DOP1A: variants seen among roughly 807,000 people sequenced by gnomAD.
The protein encoded by DOP1A is DOP1 leucine zipper like protein A.
DOP1A carries 90 observed loss-of-function variants against 267.6 expected under a neutral mutation model. The observed-to-expected ratio is 0.34, with a 90% CI of 0.28 to 0.40. The LOEUF (loss-of-function observed/expected upper bound fraction) is 0.40, where lower values mean the gene tolerates loss of function less well. Among genes scored for constraint, DOP1A ranks in the 10% least tolerant of loss-of-function variants. The probability of loss-of-function intolerance (pLI) is 1.00; values close to 1 mark genes in which losing one functional copy is unlikely to be tolerated. For missense variants in DOP1A, 2,437 were observed against 2,900.4 expected (o/e 0.84, Z 3.67); for synonymous variants, 932 against 999.1 (o/e 0.93, Z 1.27).
At chr6:83,132,044 T>A in intron 17 of DOP1A, 132 bp from the exon 18 acceptor site, 1 of 1,040,546 alleles carries the variant, frequency 9.6e-7, no homozygotes, top group Non-Finnish European at 1.4e-6. Flanking sequence ...AGTAACCTCA[T>A]CCCCATGCAG....
At chr6:83,100,556 A>T in intron 3 of DOP1A, 149 bp from the exon 4 acceptor site, 1 of 452,524 alleles carries the variant, frequency 2.2e-6, no homozygotes, top group Non-Finnish European at 3.8e-6. Flanking sequence ...CCTCAGTTTT[A>T]ATTTTAAATA....
Position 83,118,869 on chromosome 6 carries a change from A to G in DOP1A, c.781-19A>G, listed in dbSNP as rs759654004. 8 of 1,610,674 alleles carry G rather than the reference A, an allele frequency of 5.0e-6. No homozygotes were observed. The highest frequency in any genetic ancestry group is 1.1e-5 in the South Asian group (1 of 90,978). On this transcript the variant is annotated intron_variant, in intron 7 of 38. Transcript: ENST00000349129. ...ATATTGTATATTGCTAAGTACAACC[A>G]TATTCCTAACTCTTTCAGGCCACTC... is the stretch of plus-strand genomic sequence containing the variant.
intron 3 of DOP1A, among the ~76,000 whole-genome samples, chr6:83,097,550 A>G (rs1325563729): frequency 6.6e-6 from 1 of 152,198 alleles, no homozygotes; most frequent in Non-Finnish European, 1.5e-5. Context: ...CTGGCAAGCT[A>G]TAGTTATAAT....
chr6:83,122,021 C>G lies in DOP1A; in HGVS notation c.1191C>G (p.Pro397=), dbSNP rs1776446861. The G allele has an allele frequency of 5.6e-6, 9 of 1,611,206 alleles. No individual in the cohort carries two copies. Among genetic ancestry groups the G allele is most frequent in the African/African-American group, 1.3e-5 (1 of 74,772 alleles). ...KAELDLQTEP[P]FSKDHAQLSS... ...AGTTGGATCTTCAAACTGAACCACC[C>G]TTCAGCAAGGATCATGCTCAGTTAA... Residue 397 remains proline, a synonymous_variant, in exon 11 of 39, where the codon CCC becomes CCG. Transcript: ENST00000349129.
rs144595171 is a variant in DOP1A at position 83,087,855 on chromosome 6, T to TTTTG, written c.-146-8856_-146-8853dup. 2.1e-4 allele frequency among the ~76,000 whole-genome samples: 32 copies of TTTTG among 152,080 alleles called. No individual in the cohort carries two copies. The East Asian group carries it at 2.3e-3, about 11-fold the overall frequency. ...TGGGGAAAACCATTGATGTTTGTTTTTTTGTTTGTTTGTTTGTTTGTTTTG... is the reference window on the plus strand; with the variant it reads ...TGGGGAAAACCATTGATGTTTGTTTTTTTGTTTGTTTGTTTGTTTGTTTGTTTTG... On this transcript the variant is annotated intron_variant, in intron 1 of 38. Transcript: ENST00000349129.
At chr6:83,167,675 GTAAAAC>G in intron 38 of DOP1A, 181 bp from the exon 39 acceptor site, 1 of 1,374,486 alleles carries the variant, frequency 7.3e-7, no homozygotes. Context: ...ACTGCTCCAT[GTAAAAC>G]TAATAAATGG....
intron 4 of DOP1A, among the ~76,000 whole-genome samples, chr6:83,107,313 A>C (rs1219120936): frequency 6.6e-6 from 1 of 152,120 alleles, no homozygotes; most frequent in Non-Finnish European, 1.5e-5. Flanking sequence ...CCTGGGGCAC[A>C]TGGGAAAAAA....
chr6:83,150,785 C>T (rs1003227777), intron 27 of DOP1A, among the ~76,000 whole-genome samples: 1 of 152,094 alleles, frequency 6.6e-6, no homozygotes, highest in African/African-American at 2.4e-5. Context: ...TTCTGTATTA[C>T]AATTTAAGAT....
intron 3 of DOP1A, among the ~76,000 whole-genome samples, chr6:83,097,557 T>C (rs769172559): frequency 3.3e-5 from 5 of 152,224 alleles, no homozygotes; most frequent in Admixed American, 6.5e-5. Context: ...GCTATAGTTA[T>C]AATTTGGTAC....
At chr6:83,075,089 T>G (rs1766849003) in intron 1 of DOP1A, among the ~76,000 whole-genome samples, 1 of 152,206 alleles carries the variant, frequency 6.6e-6, no homozygotes, top group African/African-American at 2.4e-5. Context: ...ATATATATTT[T>G]CCCTCTTTTA....
rs1779129647 is a variant in DOP1A at position 83,138,191 on chromosome 6, T to C, written c.4149T>C (p.Tyr1383=). 1.2e-6 allele frequency: 2 copies of C among 1,613,902 alleles called. No homozygotes were observed. The highest frequency in any genetic ancestry group is 2.2e-5 in the East Asian group (1 of 44,870). The change falls in exon 21 of 39, where the codon TAT becomes TAC. Residue 1383 remains tyrosine (Y), a synonymous_variant. Coordinates refer to ENST00000349129, the MANE Select transcript of DOP1A (RefSeq NM_015018.4). The stretch of plus-strand genomic sequence containing the variant: ...TGTATGATTCATCCAGGACTTTGTA[T>C]GCTTTCTCTGCCATCAAAGCCATCT... ...LQLYDSSRTL[Y]AFSAIKAILK...
intron 36 of DOP1A, among the ~76,000 whole-genome samples, chr6:83,159,235 TAC>T (rs1783609628): frequency 6.6e-6 from 1 of 152,192 alleles, no homozygotes; most frequent in Non-Finnish European, 1.5e-5. Flanking sequence ...TTCTCGCTTT[TAC>T]AGTTTTTATT....
At position 83,113,392 on chromosome 6, in the gene DOP1A, C is replaced by G. The variant is rs970970951; in HGVS notation, c.751C>G (p.Leu251Val). The G allele has an allele frequency of 6.2e-7, 1 of 1,613,790 alleles. No homozygotes were observed. The change falls in exon 7 of 39, where the codon CTC becomes GTC. Residue 251 changes from leucine (L) to valine (V), a missense_variant. Leu to Val is a conservative substitution (Grantham distance 32, BLOSUM62 1). Around this residue, in one of 9 missense-constraint regions of DOP1A, gnomAD observed 251 missense variants for 359.1 expected, o/e 0.70. Transcript: ENST00000349129. The part of the protein sequence containing the change: ...LVQRSTLDLI[L>V]FCFPFHMSQA... ...ACAGAGAAGCACACTGGACCTCATA[C>G]TCTTCTGTTTTCCATTCCACATGAG...
chr6:83,145,580 C>T lies in DOP1A; in HGVS notation c.5598C>T (p.Ile1866=). The part of the protein sequence containing the change: ...QLLLVELVRS[I]SVMRAETVIQ... ...TATTAGTGGAATTGGTTCGTTCAATCAGTGTCATGAGAGCAGAAACTGTTA... is the reference window on the plus strand; with the variant it reads ...TATTAGTGGAATTGGTTCGTTCAATTAGTGTCATGAGAGCAGAAACTGTTA... Residue 1866 remains isoleucine (I), a synonymous_variant, in exon 25 of 39, where the codon ATC becomes ATT. Coordinates refer to ENST00000349129, the MANE Select transcript of DOP1A (RefSeq NM_015018.4). 1.9e-6 allele frequency: 3 copies of T among 1,612,444 alleles called. No individual in the cohort carries two copies. Among genetic ancestry groups the T allele is most frequent in the Non-Finnish European group, 2.5e-6 (3 of 1,179,028 alleles).
chr6:83,135,468 T>A (rs1170081835), intron 19 of DOP1A, 151 bp from the exon 20 acceptor site: 1 of 896,808 alleles, frequency 1.1e-6, no homozygotes, highest in African/African-American at 1.7e-5. Context: ...GGGATTAAGA[T>A]TATTAAAATA....
chr6:83,093,350 A>G (rs1042514330), intron 1 of DOP1A, among the ~76,000 whole-genome samples: 1 of 152,176 alleles, frequency 6.6e-6, no homozygotes, highest in Non-Finnish European at 1.5e-5. Context: ...AGAATTGGGA[A>G]ACTCGTATAG....
intron 1 of DOP1A, among the ~76,000 whole-genome samples, chr6:83,077,193 C>T (rs1028161260): frequency 2.0e-5 from 3 of 152,162 alleles, no homozygotes; most frequent in Admixed American, 1.3e-4. Context: ...CTGAACTGTA[C>T]ACTCAGTGGT....
chr6:83,141,970 A>G lies in DOP1A; in HGVS notation c.5465A>G (p.His1822Arg), dbSNP rs1178428797. Residue 1822 changes from histidine (H) to arginine (R), a missense_variant, in exon 24 of 39, where the codon CAT becomes CGT. Coordinates refer to ENST00000349129, the MANE Select transcript of DOP1A (RefSeq NM_015018.4). The part of the protein sequence containing the change: ...LELLGPISMN[H>R]GVHFMAAIAF... ...TTGTTGGGCCCCATTTCAATGAATC[A>G]TGGTGTTCACTTTATGGCTGCCATT... The G allele has an allele frequency of 6.2e-7, 1 of 1,612,680 alleles. No homozygotes were observed. The highest frequency in any genetic ancestry group is 8.5e-7 in the Non-Finnish European group (1 of 1,179,546).
chr6:83,102,267 C>T (rs192681891), intron 4 of DOP1A, among the ~76,000 whole-genome samples: 69 of 152,242 alleles, frequency 4.5e-4, no homozygotes, highest in Admixed American at 1.8e-3. Context: ...CCTTGTTTTC[C>T]CCACCCACAT....
Sources: gnomAD v4.1 joint callset for allele counts (sites outside exome capture counted in the v4.1 genomes callset) on GRCh38, gnomAD v4.1.1 for gene constraint, gnomAD v4.1.1 regional missense constraint, MANE v1.5 for transcripts, NCBI Gene and HGNC (gene_info 2026-07-23, HGNC 2026-07-21) for gene names.